PRMT3: variants seen among roughly 807,000 people sequenced by gnomAD.
The protein encoded by PRMT3 is protein arginine N-methyltransferase 3.
PRMT3 carries 62 observed loss-of-function variants against 71.9 expected under a neutral mutation model. The ratio of observed to expected loss-of-function variants is 0.86; its 90% CI spans 0.70 to 1.07. The LOEUF (loss-of-function observed/expected upper bound fraction) is 1.07, where lower values mean the gene tolerates loss of function less well. PRMT3 is among the 50% of genes least tolerant of loss of function. The probability of loss-of-function intolerance (pLI) is 0.00; values close to 1 mark genes in which losing one functional copy is unlikely to be tolerated. For missense variants in PRMT3, 663 were observed against 643.0 expected (o/e 1.03, Z -0.34); for synonymous variants, 213 against 220.4 (o/e 0.97, Z 0.30).
intron 10 of PRMT3, among the ~76,000 whole-genome samples, chr11:20,433,513 G>T (rs758730939): frequency 6.6e-6 from 1 of 152,076 alleles, no homozygotes; most frequent in Non-Finnish European, 1.5e-5. Flanking sequence ...GAATAATGCT[G>T]CAATGAACAT....
At position 20,441,309 on chromosome 11, in the gene PRMT3, T is replaced by A. The variant is rs866073590; in HGVS notation, c.994-10821T>A. Among the ~76,000 whole-genome samples the A allele has an allele frequency of 6.9e-5, 8 of 116,250 alleles. No homozygotes were observed. The East Asian group carries it at 1.8e-3, about 26-fold the overall frequency. The allele number at this position is 116,250 out of a possible 152,430, so 76.3% of individuals were successfully genotyped here. ...TTTATTTATTTATTTATTTATTTAT[T>A]TATTTATATATTTTGAGATGGAGTC... On this transcript the variant is annotated intron_variant, in intron 10 of 15. Coordinates refer to ENST00000331079, the MANE Select transcript of PRMT3 (RefSeq NM_005788.4).
intron 13 of PRMT3, among the ~76,000 whole-genome samples, chr11:20,484,381 TA>T (rs756112439): frequency 6.6e-6 from 1 of 152,066 alleles, no homozygotes; most frequent in Non-Finnish European, 1.5e-5. Flanking sequence ...TGAGTTAGTT[TA>T]AGAATTGGGG....
rs573345136 is a variant in PRMT3 at position 20,498,591 on chromosome 11, G to A, written c.1486+4337G>A. ...TCAAAATACAAAAAATTAGCTGGAC[G>A]TGGTAGCACGCACCTGTAATCCCGG... On this transcript the variant is annotated intron_variant, in intron 15 of 15. Coordinates refer to ENST00000331079, the MANE Select transcript of PRMT3 (RefSeq NM_005788.4). Among the ~76,000 whole-genome samples the A allele has an allele frequency of 1.3e-4, 20 of 152,228 alleles. 1 individual carries two copies. Among genetic ancestry groups the A allele is most frequent in the Middle Eastern group, 3.4e-3 (1 of 294 alleles).
intron 15 of PRMT3, among the ~76,000 whole-genome samples, chr11:20,501,813 C>T (rs770262611): frequency 6.6e-5 from 10 of 152,114 alleles, no homozygotes; most frequent in Admixed American, 2.0e-4. Flanking sequence ...TATGGCAGTA[C>T]TTTAAAATTC....
chr11:20,456,313 C>CT (rs1324500210), intron 11 of PRMT3, among the ~76,000 whole-genome samples: 2 of 152,170 alleles, frequency 1.3e-5, no homozygotes, highest in Non-Finnish European at 2.9e-5. Context: ...GAAATCTTTG[C>CT]TTTACTCAAG....
intron 3 of PRMT3, among the ~76,000 whole-genome samples, chr11:20,391,634 G>T (rs1391627152): frequency 6.6e-6 from 1 of 152,072 alleles, no homozygotes; most frequent in Non-Finnish European, 1.5e-5. Context: ...GATATAGGGG[G>T]TTTGTATACT....
intron 9 of PRMT3, among the ~76,000 whole-genome samples, chr11:20,419,904 G>C (rs1849388796): frequency 6.6e-6 from 1 of 152,196 alleles, no homozygotes; most frequent in South Asian, 2.1e-4. Flanking sequence ...AGGCACAGTG[G>C]CTCACGCCTG....
In PRMT3 at chr11:20,408,049, C is replaced by A. The variant is rs368162185; in HGVS notation, c.893+17C>A. 6.7e-7 allele frequency: 1 copy of A among 1,483,208 alleles called. No homozygotes were observed. Among genetic ancestry groups the A allele is most frequent in the Non-Finnish European group, 9.1e-7 (1 of 1,093,840 alleles). The allele number at this position is 1,483,208 out of a possible 1,614,324, so 91.9% of individuals were successfully genotyped here. On this transcript the variant is annotated intron_variant, in intron 9 of 15. Transcript: ENST00000331079. ...TATTATAAGGTACATATATTTTAAG[C>A]CTTCATTTAAGATTATTTTAAAATT...
intron 11 of PRMT3, among the ~76,000 whole-genome samples, chr11:20,459,439 T>C (rs1850335389): frequency 6.6e-6 from 1 of 152,170 alleles, no homozygotes; most frequent in Admixed American, 6.5e-5. Context: ...TATCTGTATC[T>C]AGCCTGCTGC....
intron 13 of PRMT3, among the ~76,000 whole-genome samples, chr11:20,476,219 G>T (rs534094909): frequency 3.5e-4 from 53 of 151,936 alleles, no homozygotes; most frequent in African/African-American, 1.1e-3. Flanking sequence ...CAGGCGTGAT[G>T]GCAGGCGCCT....
At chr11:20,423,842 C>G (rs1849478493) in intron 9 of PRMT3, among the ~76,000 whole-genome samples, 1 of 144,606 alleles carries the variant, frequency 6.9e-6, no homozygotes, top group Non-Finnish European at 1.5e-5. Context: ...CAACTGCACC[C>G]CAGCCTGAGT....
chr11:20,424,929 C>T (rs1162172031), intron 9 of PRMT3, among the ~76,000 whole-genome samples: 1 of 151,944 alleles, frequency 6.6e-6, no homozygotes, highest in Non-Finnish European at 1.5e-5. Context: ...CATAGAGAAG[C>T]CCCATCTCTA....
Position 20,388,103 on chromosome 11 carries a change from A to G in PRMT3, c.113A>G (p.Asp38Gly), listed in dbSNP as rs201080461. ...GAGGCCGCCTGGGAGGATGAGGACG[A>G]TGCAGATCTCCCCCACGGCAAGCAG... is the stretch of plus-strand genomic sequence containing the variant. ...GDEAAWEDED[D>G]ADLPHGKQQT... The change falls in exon 2 of 16, where the codon GAT (aspartate) becomes GGT (glycine). Residue 38 changes from aspartate (D) to glycine (G), a missense_variant. Transcript: ENST00000331079. 4.3e-5 allele frequency: 69 copies of G among 1,613,900 alleles called. No homozygotes were observed. The highest frequency in any genetic ancestry group is 5.8e-5 in the Non-Finnish European group (69 of 1,179,992).
At chr11:20,419,991 G>A (rs774174826) in intron 9 of PRMT3, among the ~76,000 whole-genome samples, 14 of 152,116 alleles carry the variant, frequency 9.2e-5, no homozygotes, top group Admixed American at 5.9e-4. Context: ...GAGCAACATG[G>A]CGAAACCCTA....
chr11:20,471,041 G>A (rs1307622193), intron 13 of PRMT3, among the ~76,000 whole-genome samples: 1 of 151,130 alleles, frequency 6.6e-6, no homozygotes, highest in African/African-American at 2.4e-5. Flanking sequence ...AGAAGTGTTT[G>A]TTCCTGTTGT....
intron 13 of PRMT3, among the ~76,000 whole-genome samples, chr11:20,483,276 T>C (rs574603672): frequency 4.3e-4 from 65 of 152,138 alleles, no homozygotes; most frequent in Non-Finnish European, 7.6e-4. Context: ...TCAGTGTATC[T>C]GTTTTGTTCA....
intron 10 of PRMT3, among the ~76,000 whole-genome samples, chr11:20,449,965 A>G (rs1448205866): frequency 6.6e-6 from 1 of 152,144 alleles, no homozygotes; most frequent in Non-Finnish European, 1.5e-5. Context: ...ATTTTCATTC[A>G]TAAGTGCTAT....
rs141676962 is a variant in PRMT3, at chr11:20,403,679, C to T, written c.771+695C>T. ...TGGTTACTTAAAAGTTCAGGTTTTC[C>T]GTTTGTTCTTCCTGATGGGAAACTA... On this transcript the variant is annotated intron_variant, in intron 8 of 15. Transcript: ENST00000331079. Among the ~76,000 whole-genome samples the T allele has an allele frequency of 5.9e-5, 9 of 151,582 alleles. No individual in the cohort carries two copies. The East Asian group carries it at 1.6e-3, about 26-fold the overall frequency.
chr11:20,397,926 C>T (rs1848863939), intron 7 of PRMT3, among the ~76,000 whole-genome samples: 1 of 149,600 alleles, frequency 6.7e-6, no homozygotes, highest in Non-Finnish European at 1.5e-5. Context: ...GTAATACCAG[C>T]ACTTTGGGAG....
Sources: gnomAD v4.1 joint callset for allele counts (sites outside exome capture counted in the v4.1 genomes callset) on GRCh38, gnomAD v4.1.1 for gene constraint, MANE v1.5 for transcripts, NCBI Gene and HGNC (gene_info 2026-07-23, HGNC 2026-07-21) for gene names.